The following SARNP variants were observed in gnomAD, a reference collection of about 807,000 sequenced individuals.
SARNP encodes SAP domain containing ribonucleoprotein.
A neutral mutation model predicts 38.1 loss-of-function variants in SARNP; 5 were observed. The observed-to-expected ratio is 0.13, with a 90% CI of 0.07 to 0.28. SARNP has a LOEUF of 0.28. Ranked by LOEUF, SARNP falls within the 10% of genes least tolerant of loss-of-function variation. The pLI, the probability that SARNP is intolerant of heterozygous loss-of-function variation, is 1.00. For synonymous variants in SARNP, 84 were observed against 80.6 expected, an observed-to-expected ratio of 1.04 and a Z score of -0.23; for missense variants, 180 against 243.9, an observed-to-expected ratio of 0.74 and a Z score of 1.75.
At chr12:55,762,257 A>G (rs1336093570) in intron 9 of SARNP, among the ~76,000 whole-genome samples, 1 of 151,964 alleles carries the variant, frequency 6.6e-6, no homozygotes, top group Non-Finnish European at 1.5e-5. Context: ...ATTGCAGTCC[A>G]GCCTGGGTAG....
At chr12:55,780,126 C>T (rs1380671999) in intron 9 of SARNP, among the ~76,000 whole-genome samples, 2 of 152,042 alleles carry the variant, frequency 1.3e-5, no homozygotes, top group South Asian at 2.1e-4. Context: ...TCAGCCTGGG[C>T]GACAGAGCAA....
intron 10 of SARNP, 42 bp from the exon 11 acceptor site, chr12:55,757,595 A>C (rs781338580): frequency 3.6e-5 from 55 of 1,543,912 alleles, no homozygotes; most frequent in Non-Finnish European, 4.7e-5. Flanking sequence ...GACTGAAGAC[A>C]ATAGTTGCCT....
intron 9 of SARNP, among the ~76,000 whole-genome samples, chr12:55,782,415 G>T (rs527413910): frequency 6.6e-6 from 1 of 152,112 alleles, no homozygotes; most frequent in African/African-American, 2.4e-5. Context: ...TCTCCTTTCC[G>T]AGGGTGCCAA....
intron 1 of SARNP, among the ~76,000 whole-genome samples, chr12:55,816,915 G>C (rs1253681845): frequency 1.3e-5 from 2 of 152,122 alleles, no homozygotes; most frequent in African/African-American, 2.4e-5. Flanking sequence ...ATATGAAATG[G>C]AACAGAGATA....
At chr12:55,793,707 T>C (rs141775642) in intron 7 of SARNP, 30 of 152,428 alleles carry the variant, frequency 2.0e-4, no homozygotes, top group African/African-American at 7.2e-4. Flanking sequence ...TCCAAGCTTT[T>C]TTCCTATCTA....
chr12:55,802,069 T>C (rs984536201), intron 2 of SARNP, among the ~76,000 whole-genome samples: 1 of 152,134 alleles, frequency 6.6e-6, no homozygotes, highest in Non-Finnish European at 1.5e-5. Context: ...ACTTTTTTCA[T>C]GGAGAACATA....
At chr12:55,764,531 CAAAA>C (rs1046165926) in intron 9 of SARNP, among the ~76,000 whole-genome samples, 2 of 65,206 alleles carry the variant, frequency 3.1e-5, no homozygotes, top group Admixed American at 1.8e-4. Context: ...AACTCCATTT[CAAAA>C]AAAAAAAAAA....
intron 10 of SARNP, among the ~76,000 whole-genome samples, chr12:55,759,760 C>A (rs890372520): frequency 6.6e-6 from 1 of 151,396 alleles, no homozygotes; most frequent in Non-Finnish European, 1.5e-5. Context: ...TTTTTTGAGA[C>A]AGGGTCTCAC....
intron 9 of SARNP, among the ~76,000 whole-genome samples, chr12:55,786,685 G>A (rs1206287490): frequency 2.0e-5 from 3 of 151,932 alleles, no homozygotes; most frequent in Non-Finnish European, 4.4e-5. Flanking sequence ...TCCTGACCTC[G>A]TGATCCACCC....
chr12:55,754,654 C>T (rs1878447035), downstream of SARNP: 1 of 152,248 alleles, frequency 6.6e-6, no homozygotes, highest in African/African-American at 2.4e-5. Flanking sequence ...TGTATTTCCA[C>T]AGTACCCTGA....
At chr12:55,772,020 G>A (rs1206469514) in intron 9 of SARNP, among the ~76,000 whole-genome samples, 1 of 152,116 alleles carries the variant, frequency 6.6e-6, no homozygotes, top group Non-Finnish European at 1.5e-5. Context: ...TAAAAACACA[G>A]CTGTCACCTC....
chr12:55,793,600 T>C (rs904205512), intron 7 of SARNP: 3 of 149,288 alleles, frequency 2.0e-5, no homozygotes, highest in African/African-American at 7.6e-5. Flanking sequence ...AACCCTCAGA[T>C]ACAGACAGCA....
At chr12:55,774,787 C>T (rs1470870418) in intron 9 of SARNP, among the ~76,000 whole-genome samples, 3 of 151,642 alleles carry the variant, frequency 2.0e-5, no homozygotes, top group Non-Finnish European at 4.4e-5. Flanking sequence ...AATATAATCT[C>T]CTTCTCAGTT....
In SARNP at chr12:55,802,060, C is replaced by A. The variant is rs1364382765; in HGVS notation, c.137-1160G>T. ...CCCAAAGAATTGTGAAATGTTTAAA[C>A]TTTTTTCATGGAGAACATAAAACAG... On this transcript the variant is annotated intron_variant, in intron 2 of 10. Coordinates refer to ENST00000336133, the MANE Select transcript of SARNP (RefSeq NM_033082.4). Among the ~76,000 whole-genome samples the A allele has an allele frequency of 2.6e-5, 4 of 152,046 alleles. No individual in the cohort carries two copies. The East Asian group carries it at 7.7e-4, about 29-fold the overall frequency.
intron 1 of SARNP, among the ~76,000 whole-genome samples, chr12:55,809,129 C>T (rs951839487): frequency 3.3e-5 from 5 of 152,052 alleles, no homozygotes; most frequent in East Asian, 1.9e-4. Flanking sequence ...TGGCCTGAGT[C>T]CAGGAAGTCG....
At chr12:55,754,659 C>G (rs1056163189), downstream of SARNP, 1 of 152,188 alleles carries the variant, frequency 6.6e-6, no homozygotes, top group Non-Finnish European at 1.5e-5. Context: ...TTCCACAGTA[C>G]CCTGATCACC....
chr12:55,789,378 T>C (rs1879596507), intron 8 of SARNP, among the ~76,000 whole-genome samples: 2 of 152,154 alleles, frequency 1.3e-5, no homozygotes, highest in South Asian at 4.1e-4. Flanking sequence ...GTCAAGAGCC[T>C]AAGGAGGGCT....
chr12:55,768,364 A>C (rs905225289), intron 9 of SARNP, among the ~76,000 whole-genome samples: 6 of 151,926 alleles, frequency 3.9e-5, no homozygotes, highest in Non-Finnish European at 5.9e-5. Flanking sequence ...TCCTGACCTC[A>C]GGTGATCCGC....
chr12:55,764,439 G>C (rs189365602), intron 9 of SARNP, among the ~76,000 whole-genome samples: 2 of 151,844 alleles, frequency 1.3e-5, no homozygotes, highest in Admixed American at 1.3e-4. Flanking sequence ...GCTGAGGCAG[G>C]AGAAGCGCTT....
Sources: gnomAD v4.1 joint callset for allele counts (sites outside exome capture counted in the v4.1 genomes callset) on GRCh38, gnomAD v4.1.1 for gene constraint, MANE v1.5 for transcripts, NCBI Gene and HGNC (gene_info 2026-07-23, HGNC 2026-07-21) for gene names.